SCNN1D: variants seen among roughly 807,000 people sequenced by gnomAD.
SCNN1D encodes epithelial sodium channel subunit delta.
In SCNN1D, 104 loss-of-function variants were observed where a neutral mutation model predicts 87.8. That is an observed-to-expected ratio of 1.18 (90% CI 1.01 to 1.39). The LOEUF is 1.39. SCNN1D is among the 40% of genes most tolerant of loss of function. The probability of loss-of-function intolerance (pLI) is 0.00; values close to 1 mark genes in which losing one functional copy is unlikely to be tolerated. For synonymous variants in SCNN1D, 628 were observed against 481.2 expected (o/e 1.31, Z -3.99); for missense variants, 1,324 against 1,093.9 (o/e 1.21, Z -2.97).
At chr1:1,282,776 G>A (rs1310402275) in intron 4 of SCNN1D, among the ~76,000 whole-genome samples, 11 of 148,870 alleles carry the variant, frequency 7.4e-5, no homozygotes, top group Non-Finnish European at 1.3e-4. Context: ...TTTTTGAGAC[G>A]GAGTCTTGCT....
rs769808402 is a variant in SCNN1D, at chr1:1,280,660, G to T, written c.-2G>T. On this transcript the variant is annotated 5_prime_UTR_variant, in exon 1 of 18. Coordinates refer to ENST00000379116, the MANE Select transcript of SCNN1D (RefSeq NM_001130413.4). Reference sequence around the variant, plus strand: ...GTGCCTGAATTCCAGCAGGGAGGAGGCATGAGGTGCGTCCGACTCCCTTCC... The same window carrying T: ...GTGCCTGAATTCCAGCAGGGAGGAGTCATGAGGTGCGTCCGACTCCCTTCC... 8 of 701,266 alleles carry T rather than the reference G, an allele frequency of 1.1e-5. No homozygotes were observed. In the South Asian group the frequency reaches 1.2e-4, roughly 10 times the overall value. The allele number at this position is 701,266 out of a possible 1,614,324, so 43.4% of individuals were successfully genotyped here.
intron 17 of SCNN1D, 54 bp from the exon 18 acceptor site, chr1:1,291,200 C>T: frequency 6.3e-7 from 1 of 1,585,910 alleles, no homozygotes; most frequent in Admixed American, 1.8e-5. Flanking sequence ...TGGCCCTGCA[C>T]AGAAGGGGCA....
At chr1:1,282,391 C>T in intron 4 of SCNN1D, 76 bp downstream of exon 4, 1 of 1,494,378 alleles carries the variant, frequency 6.7e-7, no homozygotes, top group East Asian at 2.5e-5. Flanking sequence ...CAGCCAAGCC[C>T]AGGGACCCAG....
In SCNN1D at chr1:1,291,717, A is replaced by G; in HGVS notation, c.*107A>G. On this transcript the variant is annotated 3_prime_UTR_variant, in exon 18 of 18. Transcript: ENST00000379116. ...GGGCCAGACCAGCAGCCCAGGAAGCAGCACACGCGGCCGTGGGGAGGCAGG... is the reference window on the plus strand; with the variant it reads ...GGGCCAGACCAGCAGCCCAGGAAGCGGCACACGCGGCCGTGGGGAGGCAGG... 1.3e-6 allele frequency: 1 copy of G among 798,670 alleles called. No individual in the cohort carries two copies. Among genetic ancestry groups the G allele is most frequent in the Non-Finnish European group, 1.9e-6 (1 of 534,660 alleles). 49.5% of individuals were successfully genotyped at this position (798,670 alleles called of 1,614,324 possible). A position where few individuals can be genotyped will look rare whatever the true frequency, so the allele number is the denominator to read the frequency against.
At position 1,281,397 on chromosome 1, in the gene SCNN1D, C is replaced by T. The variant is rs957787093; in HGVS notation, c.78-14C>T. 6.6e-7 allele frequency: 1 copy of T among 1,526,012 alleles called. No homozygotes were observed. The highest frequency in any genetic ancestry group is 2.5e-5 in the East Asian group (1 of 40,744). 94.5% of individuals were successfully genotyped at this position (1,526,012 alleles called of 1,614,324 possible). A position where few individuals can be genotyped will look rare whatever the true frequency, so the allele number is the denominator to read the frequency against. ...GGGAGCCAGGGATGCCTGCCCGTCC[C>T]TTCTCTCATTCAGGCTCACCTGGTC... is the stretch of plus-strand genomic sequence containing the variant. On this transcript the variant is annotated splice_polypyrimidine_tract_variant and intron_variant, in intron 2 of 17. Coordinates refer to ENST00000379116, the MANE Select transcript of SCNN1D (RefSeq NM_001130413.4).
chr1:1,290,317 C>G lies in SCNN1D; in HGVS notation c.1709C>G (p.Ser570Cys). 1 of 1,592,732 alleles carries G rather than the reference C, an allele frequency of 6.3e-7. No homozygotes were observed. The highest frequency in any genetic ancestry group is 8.6e-7 in the Non-Finnish European group (1 of 1,168,144). The change falls in exon 13 of 18, where the codon TCC becomes TGC. Residue 570 changes from serine to cysteine, a missense_variant. Coordinates refer to ENST00000379116, the MANE Select transcript of SCNN1D (RefSeq NM_001130413.4). Reference sequence around the variant, plus strand: ...CAGCAGCTGATGGTGGAGACCTGCTCCTGTGGCTACTACCTCCACCCTCTG... The same window carrying G: ...CAGCAGCTGATGGTGGAGACCTGCTGCTGTGGCTACTACCTCCACCCTCTG... ...CFQQLMVETC[S>C]CGYYLHPLPA...
rs1461767001 is a variant in SCNN1D, at chr1:1,291,822, G to A, written c.*212G>A. 4.4e-6 allele frequency: 2 copies of A among 458,248 alleles called. No homozygotes were observed. Among genetic ancestry groups the A allele is most frequent in the East Asian group, 3.3e-5 (1 of 30,250 alleles). 28.4% of individuals were successfully genotyped at this position (458,248 alleles called of 1,614,324 possible). On this transcript the variant is annotated 3_prime_UTR_variant, in exon 18 of 18. Transcript: ENST00000379116. ...TCAAGGAGGCCCGGGGCGGAGGGGG[G>A]TTCCCGCGTGCACACGAGTGCGGCT...
chr1:1,285,414 G>C (rs562702958), intron 5 of SCNN1D, among the ~76,000 whole-genome samples, 157 bp from the exon 6 acceptor site: 157 of 152,358 alleles, frequency 1.0e-3, no homozygotes, highest in African/African-American at 3.6e-3. Flanking sequence ...ACGCTTCCTG[G>C]ACTTGGCTGG....
At chr1:1,290,432 G>C (rs775795595) in intron 13 of SCNN1D, 44 bp downstream of exon 13, 11 of 1,611,370 alleles carry the variant, frequency 6.8e-6, no homozygotes, top group Middle Eastern at 1.6e-4. Flanking sequence ...CCATTAGCCG[G>C]GGGGTCACAG....
At chr1:1,290,748 G>A in intron 15 of SCNN1D, 54 bp downstream of exon 15, 2 of 1,598,484 alleles carry the variant, frequency 1.3e-6, no homozygotes, top group Non-Finnish European at 1.7e-6. Flanking sequence ...AGACCCCACA[G>A]GTCCCACAGA....
intron 12 of SCNN1D, among the ~76,000 whole-genome samples, chr1:1,288,558 T>C (rs556622617): frequency 4.2e-4 from 24 of 57,738 alleles, no homozygotes; most frequent in South Asian, 8.7e-4. Flanking sequence ...CCCCCGTGTC[T>C]CTGCTCCGTC....
At chr1:1,288,214 C>CCCCG (rs1557584110) in intron 12 of SCNN1D, among the ~76,000 whole-genome samples, 177 bp downstream of exon 12, 18 of 146,068 alleles carry the variant, frequency 1.2e-4, no homozygotes, top group African/African-American at 4.5e-4. Context: ...TGTGTCTCTG[C>CCCCG]TCCGTCCCGT....
At position 1,282,239 on chromosome 1, in the gene SCNN1D, C is replaced by G. The variant is rs1640484128; in HGVS notation, c.278-3C>G. On this transcript the variant is annotated splice_region_variant and splice_polypyrimidine_tract_variant and intron_variant, in intron 3 of 17. Coordinates refer to ENST00000379116, the MANE Select transcript of SCNN1D (RefSeq NM_001130413.4). ...GCCAGTGACGAAGCTGTGATTCACA[C>G]AGGCCTGGGTGACTCCAGCATGGCT... 2 of 1,467,658 alleles carry G rather than the reference C, an allele frequency of 1.4e-6. No homozygotes were observed. The highest frequency in any genetic ancestry group is 9.3e-7 in the Non-Finnish European group (1 of 1,071,714). The allele number at this position is 1,467,658 out of a possible 1,614,324, so 90.9% of individuals were successfully genotyped here.
chr1:1,286,962 T>TG lies in SCNN1D; in HGVS notation c.1110dup (p.Phe371ValfsTer105). On this transcript the variant is annotated frameshift_variant, in exon 8 of 18. Coordinates refer to ENST00000379116, the MANE Select transcript of SCNN1D (RefSeq NM_001130413.4). LOFTEE classifies it high-confidence loss of function. ...AGCCACTCGGGCAGCCGGGTCAGAG[T>TG]GGGGTTCAGACTGGTGAGTGTCCCA... is the stretch of plus-strand genomic sequence containing the variant. 1 of 1,610,260 alleles carries TG rather than the reference T, an allele frequency of 6.2e-7. No individual in the cohort carries two copies. Among genetic ancestry groups the TG allele is most frequent in the Non-Finnish European group, 8.5e-7 (1 of 1,179,452 alleles).
chr1:1,281,336 G>C, intron 2 of SCNN1D, 39 bp downstream of exon 2: 6 of 1,535,026 alleles, frequency 3.9e-6, no homozygotes, highest in Non-Finnish European at 5.2e-6. Context: ...GGGCCTGGCC[G>C]TCTTTCCTGG....
intron 10 of SCNN1D, 24 bp downstream of exon 10, chr1:1,287,620 G>A (rs1640626603): frequency 6.2e-7 from 1 of 1,609,946 alleles, no homozygotes; most frequent in South Asian, 1.1e-5. Context: ...CCTGGCCGGT[G>A]CGGGGGCAGG....
Position 1,290,534 on chromosome 1 carries a change from C to T in SCNN1D, c.1838C>T (p.Ser613Phe), listed in dbSNP as rs779612602. The part of the protein sequence containing the change: ...DLETHRLPCT[S>F]RCPRPCRESA... ...GAGACCCACCGGCTCCCCTGTACCTCCCGCTGCCCCAGGCCCTGCAGGTGA... is the reference window on the plus strand; with the variant it reads ...GAGACCCACCGGCTCCCCTGTACCTTCCGCTGCCCCAGGCCCTGCAGGTGA... The change falls in exon 14 of 18, where the codon TCC (serine) becomes TTC (phenylalanine). Residue 613 changes from serine to phenylalanine, a missense_variant. Physicochemically the swap from Ser to Phe is radical, Grantham distance 155. Transcript: ENST00000379116. The T allele has an allele frequency of 6.8e-6, 11 of 1,612,608 alleles. No homozygotes were observed. The highest frequency in any genetic ancestry group is 2.2e-5 in the East Asian group (1 of 44,900).
intron 12 of SCNN1D, among the ~76,000 whole-genome samples, chr1:1,289,904 T>TCCGTCCCGTGTCTCTGCC (rs1557585815): frequency 2.0e-4 from 4 of 19,580 alleles, no homozygotes; most frequent in Admixed American, 1.2e-3. Context: ...GTGTCTCTGC[T>TCCGTCCCGTGTCTCTGCC]CCGTCCCGTG....
intron 5 of SCNN1D, among the ~76,000 whole-genome samples, chr1:1,284,711 G>T (rs1043340483): frequency 6.6e-6 from 1 of 152,078 alleles, no homozygotes; most frequent in African/African-American, 2.4e-5. Flanking sequence ...TGCAGATACT[G>T]CGTGTCCAGG....
Sources: gnomAD v4.1 joint callset for allele counts (sites outside exome capture counted in the v4.1 genomes callset) on GRCh38, gnomAD v4.1.1 for gene constraint, MANE v1.5 for transcripts, NCBI Gene and HGNC (gene_info 2026-07-23, HGNC 2026-07-21) for gene names.